The following ADAM12 variants were observed in gnomAD, a reference collection of about 807,000 sequenced individuals.
ADAM12 encodes the protein ADAM metallopeptidase domain 12.
In ADAM12, 70 loss-of-function variants were observed where a neutral mutation model predicts 106.4. The ratio of observed to expected loss-of-function variants is 0.66; its 90% CI spans 0.54 to 0.80. ADAM12 has a LOEUF of 0.80. Among genes scored for constraint, ADAM12 ranks in the 30% least tolerant of loss-of-function variants. The probability of loss-of-function intolerance (pLI) is 0.00; values close to 1 mark genes in which losing one functional copy is unlikely to be tolerated. For synonymous variants in ADAM12, 420 were observed against 433.5 expected (o/e 0.97, Z 0.39); for missense variants, 1,010 against 1,171.9 (o/e 0.86, Z 2.02).
rs541387451 is a variant in ADAM12 at position 126,257,333 on chromosome 10, T to G, written c.260+21582A>C. ...GCCCTGGAACGTGCACATGGTCTTCTGTTCTGCGATCAAAATGTTCCATTT... is the reference window on the plus strand; with the variant it reads ...GCCCTGGAACGTGCACATGGTCTTCGGTTCTGCGATCAAAATGTTCCATTT... On this transcript the variant is annotated intron_variant, in intron 3 of 22. Coordinates refer to ENST00000448723, the MANE Select transcript of ADAM12 (RefSeq NM_001288973.2). Among the ~76,000 whole-genome samples the G allele has an allele frequency of 3.3e-5, 5 of 152,370 alleles. No individual in the cohort carries two copies. The East Asian group carries it at 9.6e-4, about 29-fold the overall frequency.
At chr10:126,146,319 G>A (rs908451483) in intron 4 of ADAM12, among the ~76,000 whole-genome samples, 2 of 152,206 alleles carry the variant, frequency 1.3e-5, no homozygotes, top group Non-Finnish European at 2.9e-5. Context: ...TTAGGTATGT[G>A]TGGAGTACAG....
At chr10:126,345,704 T>C (rs970214100) in intron 1 of ADAM12, among the ~76,000 whole-genome samples, 6 of 152,360 alleles carry the variant, frequency 3.9e-5, no homozygotes, top group African/African-American at 1.4e-4. Flanking sequence ...TTTCAGAGCC[T>C]GTTATTGGTC....
chr10:126,152,877 A>G (rs1956753510), intron 4 of ADAM12, among the ~76,000 whole-genome samples: 1 of 152,186 alleles, frequency 6.6e-6, no homozygotes, highest in East Asian at 1.9e-4. Flanking sequence ...CAGCGTGTCT[A>G]TTATTCTCCA....
chr10:126,065,396 T>C (rs1446063510), intron 13 of ADAM12, among the ~76,000 whole-genome samples: 1 of 152,214 alleles, frequency 6.6e-6, no homozygotes, highest in East Asian at 1.9e-4. Flanking sequence ...AGGGGACATT[T>C]GCATTTATGG....
intron 3 of ADAM12, among the ~76,000 whole-genome samples, chr10:126,269,329 T>G (rs145904248): frequency 6.6e-6 from 1 of 152,208 alleles, no homozygotes; most frequent in South Asian, 2.1e-4. Flanking sequence ...GGCAGCCCAG[T>G]AGGTTTCAGC....
intron 14 of ADAM12, among the ~76,000 whole-genome samples, chr10:126,056,218 A>T (rs1236811192): frequency 7.2e-5 from 11 of 152,222 alleles, no homozygotes; most frequent in Non-Finnish European, 7.3e-5. Flanking sequence ...TGAGGGAGTG[A>T]GGGATGCCAT....
chr10:126,162,254 A>T (rs1248337664), intron 3 of ADAM12, among the ~76,000 whole-genome samples: 2 of 152,130 alleles, frequency 1.3e-5, no homozygotes, highest in Non-Finnish European at 2.9e-5. Flanking sequence ...GCCGGGAAAG[A>T]TGGGGAAGAA....
At chr10:126,363,287 A>G (rs974808942) in intron 1 of ADAM12, among the ~76,000 whole-genome samples, 1 of 152,236 alleles carries the variant, frequency 6.6e-6, no homozygotes, top group Non-Finnish European at 1.5e-5. Flanking sequence ...TTTATGTTCC[A>G]TAAAGATATT....
At position 126,038,240 on chromosome 10, in the gene ADAM12, C is replaced by A; in HGVS notation, c.2349+1G>T. The stretch of plus-strand genomic sequence containing the variant: ...AGCACTCACATCTACTCAAGACTCA[C>A]CTTCGGTGGGTAGGAATCTGGCGGC... On this transcript the variant is annotated splice_donor_variant, in intron 20 of 22. Coordinates refer to ENST00000448723, the MANE Select transcript of ADAM12 (RefSeq NM_001288973.2). LOFTEE classifies it high-confidence loss of function. 1 of 1,606,910 alleles carries A rather than the reference C, an allele frequency of 6.2e-7. No homozygotes were observed. Among genetic ancestry groups the A allele is most frequent in the Non-Finnish European group, 8.5e-7 (1 of 1,176,798 alleles).
chr10:126,377,648 C>T (rs1236971100), intron 1 of ADAM12, among the ~76,000 whole-genome samples: 3 of 152,148 alleles, frequency 2.0e-5, no homozygotes, highest in South Asian at 2.1e-4. Flanking sequence ...TCAAGCTTAA[C>T]CATCACGCCA....
In ADAM12 at chr10:126,066,236, C is replaced by T. The variant is rs1447648220; in HGVS notation, c.1413+481G>A. Among the ~76,000 whole-genome samples the T allele has an allele frequency of 2.0e-5, 3 of 152,106 alleles. No individual in the cohort carries two copies. The highest frequency in any genetic ancestry group is 4.4e-5 in the Non-Finnish European group (3 of 68,010). On this transcript the variant is annotated intron_variant, in intron 13 of 22. Coordinates refer to ENST00000448723, the MANE Select transcript of ADAM12 (RefSeq NM_001288973.2). This position sits in a 1 kb window ranked among gnomAD's most constrained non-coding sequence, Gnocchi z 5.1. ...TATAAAACTGCCATTCTTGGCTGGG[C>T]GGGGTTGGTGGCAACTTCTTTTGGG...
At chr10:126,175,430 A>G (rs1209203678) in intron 3 of ADAM12, among the ~76,000 whole-genome samples, 7 of 152,150 alleles carry the variant, frequency 4.6e-5, no homozygotes, top group Non-Finnish European at 1.0e-4. Flanking sequence ...CCATTGGAAC[A>G]CCAAGACGAG....
intron 9 of ADAM12, among the ~76,000 whole-genome samples, 155 bp from the exon 10 acceptor site, chr10:126,098,655 T>A (rs980865791): frequency 6.6e-6 from 1 of 152,252 alleles, no homozygotes; most frequent in Admixed American, 6.5e-5. Flanking sequence ...CTTTTTTCCC[T>A]GAAAATTTTA....
chr10:126,343,872 G>C (rs893769676), intron 1 of ADAM12, among the ~76,000 whole-genome samples: 1 of 152,038 alleles, frequency 6.6e-6, no homozygotes, highest in Non-Finnish European at 1.5e-5. Context: ...TTTTTGATGG[G>C]GTTGTTTTTT....
At chr10:126,022,780 C>G (rs377010966) in intron 21 of ADAM12, among the ~76,000 whole-genome samples, 1 of 152,196 alleles carries the variant, frequency 6.6e-6, no homozygotes, top group Non-Finnish European at 1.5e-5. Flanking sequence ...TCATTTTAAA[C>G]AAGGAAATGA....
At chr10:126,361,126 C>T (rs370196298) in intron 1 of ADAM12, among the ~76,000 whole-genome samples, 4 of 152,222 alleles carry the variant, frequency 2.6e-5, no homozygotes, top group East Asian at 3.9e-4. Flanking sequence ...TCCCACAACA[C>T]GTGGGAAGTC....
chr10:126,061,634 T>A (rs1252710797), intron 14 of ADAM12, among the ~76,000 whole-genome samples: 2 of 152,126 alleles, frequency 1.3e-5, no homozygotes, highest in African/African-American at 4.8e-5. Flanking sequence ...GAGAAAGGGA[T>A]GTGACTACAG....
chr10:126,330,167 TA>T (rs1854457873), intron 2 of ADAM12, among the ~76,000 whole-genome samples: 1 of 152,222 alleles, frequency 6.6e-6, no homozygotes, highest in Non-Finnish European at 1.5e-5. Flanking sequence ...TCTGGGACTG[TA>T]ACCCCTGGTT....
intron 3 of ADAM12, among the ~76,000 whole-genome samples, chr10:126,169,574 T>A (rs1382129811): frequency 2.0e-5 from 3 of 152,266 alleles, no homozygotes; most frequent in African/African-American, 7.2e-5. Flanking sequence ...ATATGAGGAC[T>A]TCTTTCTACT....
Sources: allele counts gnomAD v4.1 joint callset (sites outside exome capture counted in the v4.1 genomes callset), GRCh38; gene constraint gnomAD v4.1.1; non-coding constraint Gnocchi (gnomAD v3.1); transcripts MANE v1.5; gene names NCBI Gene and HGNC (gene_info 2026-07-23, HGNC 2026-07-21).